MARK3: variants seen among roughly 807,000 people sequenced by gnomAD.
MARK3 encodes the protein microtubule affinity regulating kinase 3.
MARK3 carries 46 observed loss-of-function variants against 90.1 expected under a neutral mutation model. The ratio of observed to expected loss-of-function variants is 0.51; its 90% CI spans 0.40 to 0.65. The LOEUF is 0.65. Ranked by LOEUF, MARK3 falls within the 30% of genes least tolerant of loss-of-function variation. MARK3 has a pLI of 0.00. For missense variants in MARK3, 818 were observed against 947.2 expected, an observed-to-expected ratio of 0.86 and a Z score of 1.79; for synonymous variants, 321 against 332.6, an observed-to-expected ratio of 0.97 and a Z score of 0.38.
intron 1 of MARK3, among the ~76,000 whole-genome samples, chr14:103,401,071 T>G (rs1359598706): frequency 6.6e-6 from 1 of 151,772 alleles, no homozygotes; most frequent in African/African-American, 2.4e-5. Context: ...ATTATTTGTT[T>G]AAATGTTTAA....
intron 4 of MARK3, among the ~76,000 whole-genome samples, chr14:103,450,034 A>G (rs910071444): frequency 1.3e-5 from 2 of 152,180 alleles, no homozygotes; most frequent in Admixed American, 1.3e-4. Context: ...CGTATGCCCT[A>G]TTTCATCAGT....
chr14:103,392,562 G>T (rs2090326755), intron 1 of MARK3, among the ~76,000 whole-genome samples: 1 of 152,130 alleles, frequency 6.6e-6, no homozygotes, highest in African/African-American at 2.4e-5. Flanking sequence ...GCCTTAGTGT[G>T]CAGTGAAGGC....
rs1012829840 is a variant in MARK3 at position 103,419,194 on chromosome 14, G to C, written c.244-9193G>C. 2.6e-5 allele frequency among the ~76,000 whole-genome samples: 4 copies of C among 152,190 alleles called. No homozygotes were observed. The East Asian group carries it at 7.7e-4, about 29-fold the overall frequency. On this transcript the variant is annotated intron_variant, in intron 2 of 17. Transcript: ENST00000429436. The stretch of plus-strand genomic sequence containing the variant: ...GTAGTCCCAGCTACCAGGAGGCTGA[G>C]GTGGGAGAATGGCGTGAACCCGGGA...
intron 1 of MARK3, among the ~76,000 whole-genome samples, chr14:103,399,973 G>T (rs1316704216): frequency 2.6e-5 from 4 of 150,974 alleles, no homozygotes; most frequent in Admixed American, 1.3e-4. Context: ...CTGTCACTCA[G>T]GCTGGAGTGC....
At chr14:103,405,536 T>A (rs1283404449) in intron 2 of MARK3, among the ~76,000 whole-genome samples, 2 of 151,982 alleles carry the variant, frequency 1.3e-5, no homozygotes, top group Non-Finnish European at 2.9e-5. Context: ...AGAGACAGGG[T>A]TTCACCGTGT....
chr14:103,476,934 G>C (rs939656073), intron 13 of MARK3, among the ~76,000 whole-genome samples: 3 of 152,188 alleles, frequency 2.0e-5, no homozygotes, highest in African/African-American at 7.2e-5. Flanking sequence ...AACGTTTGTT[G>C]ACAGTTACCA....
intron 2 of MARK3, among the ~76,000 whole-genome samples, chr14:103,410,417 A>G (rs981257596): frequency 1.2e-4 from 19 of 152,260 alleles, no homozygotes; most frequent in African/African-American, 4.3e-4. Flanking sequence ...GGGGACATTC[A>G]TTCAAACCAT....
chr14:103,487,774 C>T (rs186763169), intron 14 of MARK3, among the ~76,000 whole-genome samples: 3 of 152,084 alleles, frequency 2.0e-5, no homozygotes, highest in East Asian at 3.9e-4. Flanking sequence ...TGTAGCCAGG[C>T]GCGGTGGCTC....
chr14:103,409,450 A>G (rs994591648), intron 2 of MARK3, among the ~76,000 whole-genome samples: 2 of 101,902 alleles, frequency 2.0e-5, no homozygotes, highest in East Asian at 6.6e-4. Context: ...AAAAAAAAAA[A>G]AAAAAAAAAA....
chr14:103,477,578 A>G (rs1285818405), intron 13 of MARK3, among the ~76,000 whole-genome samples: 1 of 152,206 alleles, frequency 6.6e-6, no homozygotes, highest in Non-Finnish European at 1.5e-5. Flanking sequence ...GTGAATCCAC[A>G]TGACAATGAT....
intron 1 of MARK3, among the ~76,000 whole-genome samples, chr14:103,404,052 G>C (rs994375013): frequency 6.6e-6 from 1 of 152,138 alleles, no homozygotes; most frequent in Non-Finnish European, 1.5e-5. Flanking sequence ...AGACTAATGA[G>C]GAAATTCTGA....
At chr14:103,462,064 A>G (rs978186158) in intron 6 of MARK3, among the ~76,000 whole-genome samples, 3 of 149,786 alleles carry the variant, frequency 2.0e-5, no homozygotes, top group African/African-American at 7.4e-5. Flanking sequence ...GTTGCACCAG[A>G]GCCATCGGAG....
In MARK3 at chr14:103,465,709, G is replaced by A. The variant is rs1398915563; in HGVS notation, c.693G>A (p.Gly231=). ...PELFQGKKYD[G]PEVDVWSLGV... is the part of the protein sequence containing the mutation. ...TCTTCCAGGGCAAGAAATATGACGG[G>A]CCAGAAGTGGATGTGTGGAGTCTGG... is the stretch of plus-strand genomic sequence containing the variant. Residue 231 remains glycine (G), a synonymous_variant, in exon 8 of 18, where the codon GGG becomes GGA. Coordinates refer to ENST00000429436, the MANE Select transcript of MARK3 (RefSeq NM_001128918.3). 3.1e-6 allele frequency: 5 copies of A among 1,614,010 alleles called. No individual in the cohort carries two copies. Among genetic ancestry groups the A allele is most frequent in the South Asian group, 1.1e-5 (1 of 91,074 alleles).
intron 2 of MARK3, among the ~76,000 whole-genome samples, chr14:103,425,103 G>C (rs1338344104): frequency 1.3e-5 from 2 of 151,934 alleles, no homozygotes; most frequent in Admixed American, 6.5e-5. Flanking sequence ...ACCATGCCCA[G>C]CTAATTTTTT....
chr14:103,447,877 G>A (rs910486028), intron 3 of MARK3, among the ~76,000 whole-genome samples: 1 of 152,018 alleles, frequency 6.6e-6, no homozygotes, highest in African/African-American at 2.4e-5. Flanking sequence ...AGGCTCAAGT[G>A]ATTCTCTTGC....
intron 15 of MARK3, 85 bp downstream of exon 15, chr14:103,492,119 C>G: frequency 6.8e-7 from 1 of 1,474,046 alleles, no homozygotes; most frequent in Non-Finnish European, 9.2e-7. Context: ...GCCACTGCTA[C>G]CTGGATGCTT....
chr14:103,447,524 G>A (rs2093026590), intron 3 of MARK3, among the ~76,000 whole-genome samples: 2 of 151,992 alleles, frequency 1.3e-5, no homozygotes, highest in South Asian at 2.1e-4. Context: ...ACTGGGTTCC[G>A]GACACATTCC....
At chr14:103,457,012 C>A in intron 5 of MARK3, 130 bp from the exon 6 acceptor site, 2 of 517,314 alleles carry the variant, frequency 3.9e-6, no homozygotes, top group Non-Finnish European at 7.0e-6. Context: ...GTTCAAATTC[C>A]ACATATTTCT....
In MARK3 at chr14:103,465,970, AG is replaced by A; in HGVS notation, c.778del. 4.3e-6 allele frequency: 7 copies of A among 1,611,978 alleles called. No homozygotes were observed. The highest frequency in any genetic ancestry group is 5.9e-6 in the Non-Finnish European group (7 of 1,179,384). ...TTTTCTTTCCTCTGTACCTCTCCAA[AG>A]GAACTGAGAGAGAGAGTATTAAGAG... On this transcript the variant is annotated splice_acceptor_variant, in intron 8 of 17. Transcript: ENST00000429436. LOFTEE classifies it high-confidence loss of function.
Sources: gnomAD v4.1 joint callset for allele counts (sites outside exome capture counted in the v4.1 genomes callset) on GRCh38, gnomAD v4.1.1 for gene constraint, MANE v1.5 for transcripts, NCBI Gene and HGNC (gene_info 2026-07-23, HGNC 2026-07-21) for gene names.